Variants in PPL observed in about 807,000 individuals in gnomAD.
The protein encoded by PPL is periplakin.
In PPL, 198 loss-of-function variants were observed where a neutral mutation model predicts 194.4. The ratio of observed to expected loss-of-function variants is 1.02; its 90% confidence interval spans 0.91 to 1.15. The LOEUF is 1.15. PPL is among the 50% of genes most tolerant of loss of function. The pLI, the probability that PPL is intolerant of heterozygous loss-of-function variation, is 0.00. For synonymous variants in PPL, 1,220 were observed against 972.4 expected, an observed-to-expected ratio of 1.25 and a Z score of -4.74; for missense variants, 2,885 against 2,294.8, an observed-to-expected ratio of 1.26 and a Z score of -5.25.
chr16:4,890,189 G>A lies in PPL; in HGVS notation c.2308C>T (p.Gln770Ter). ...TGCGGAAACGGCCATCTCACCTTCT[G>A]GTTCTTCAGCTTGGTCTCCATCTGG... Reference protein sequence around the residue: ...LSQMETKLKNQKNLLDEIASR... With the variant: ...LSQMETKLKN The change falls in exon 18 of 22, where the codon CAG becomes TAG. Residue 770 changes from glutamine to a stop codon, truncating the protein, a stop_gained. Transcript: ENST00000345988. LOFTEE classifies it high-confidence loss of function. 6.2e-7 allele frequency: 1 copy of A among 1,614,166 alleles called. No individual in the cohort carries two copies. The highest frequency in any genetic ancestry group is 8.5e-7 in the Non-Finnish European group (1 of 1,180,006).
chr16:4,936,898 T>G, intron 1 of PPL, 86 bp downstream of exon 1: 1 of 1,364,094 alleles, frequency 7.3e-7, no homozygotes. Flanking sequence ...TACCCCCCAT[T>G]CCTACACTGC....
In PPL at chr16:4,895,391, A is replaced by G. The variant is rs201216904; in HGVS notation, c.1112T>C (p.Leu371Pro). 1 of 1,613,308 alleles carries G rather than the reference A, an allele frequency of 6.2e-7. No homozygotes were observed. Among genetic ancestry groups the G allele is most frequent in the East Asian group, 2.2e-5 (1 of 44,876 alleles). The change falls in exon 11 of 22, where the codon CTG becomes CCG. Residue 371 changes from leucine to proline, a missense_variant. Coordinates refer to ENST00000345988, the MANE Select transcript of PPL (RefSeq NM_002705.5). ...LRELDDQEKV[L>P]DKYEDVVQGL... ...CTGCACCACGTCCTCATACTTGTCC[A>G]GCACCTTCTCCTGGTCCTGGAGAGA...
chr16:4,911,922 G>A (rs937336379), intron 1 of PPL, among the ~76,000 whole-genome samples: 5 of 151,642 alleles, frequency 3.3e-5, no homozygotes, highest in Admixed American at 6.6e-5. Context: ...CTATAGCCTC[G>A]AACTCCTGAG....
intron 1 of PPL, among the ~76,000 whole-genome samples, chr16:4,917,970 C>T (rs879912974): frequency 2.9e-4 from 42 of 146,538 alleles, no homozygotes; most frequent in Non-Finnish European, 5.2e-4. Flanking sequence ...TGAATTACAT[C>T]ACAGTAAAGC....
At chr16:4,894,158 T>C (rs534554659) in intron 12 of PPL, among the ~76,000 whole-genome samples, 4 of 152,288 alleles carry the variant, frequency 2.6e-5, no homozygotes, top group African/African-American at 9.6e-5. Context: ...AGCTGAGTCC[T>C]CCAGCCAAGG....
At chr16:4,932,101 G>A (rs111857028) in intron 1 of PPL, among the ~76,000 whole-genome samples, 7 of 152,344 alleles carry the variant, frequency 4.6e-5, no homozygotes, top group African/African-American at 1.7e-4. Flanking sequence ...TGCTTCCCCA[G>A]GCCCCCCTGG....
At chr16:4,896,271 C>T (rs1003044777) in intron 9 of PPL, among the ~76,000 whole-genome samples, 1 of 152,156 alleles carries the variant, frequency 6.6e-6, no homozygotes, top group South Asian at 2.1e-4. Flanking sequence ...TTTCCCCAGA[C>T]ACCTCAATCC....
chr16:4,930,987 G>A (rs556233786), intron 1 of PPL, among the ~76,000 whole-genome samples: 43 of 152,272 alleles, frequency 2.8e-4, no homozygotes, highest in African/African-American at 9.4e-4. Flanking sequence ...CTGGAGCGCT[G>A]GAGTGGAAGA....
Position 4,910,877 on chromosome 16 carries a change from G to T in PPL, c.135C>A (p.Ile45=). 6.2e-7 allele frequency: 1 copy of T among 1,613,960 alleles called. No individual in the cohort carries two copies. Residue 45 remains isoleucine, a synonymous_variant, in exon 2 of 22, where the codon ATC becomes ATA. Coordinates refer to ENST00000345988, the MANE Select transcript of PPL (RefSeq NM_002705.5). ...QKNADQVEKN[I]VDTEAKMQSD... is the part of the protein sequence containing the mutation. ...TCTGCATCTTGGCCTCTGTGTCCAC[G>T]ATGTTCTTCTCCACCTGGTCGGCAT...
At position 4,885,882 on chromosome 16, in the gene PPL, T is replaced by TC; in HGVS notation, c.2772dup (p.Asn925GlufsTer79). 6.2e-7 allele frequency: 1 copy of TC among 1,609,726 alleles called. No homozygotes were observed. Among genetic ancestry groups the TC allele is most frequent in the Non-Finnish European group, 8.5e-7 (1 of 1,180,006 alleles). ...ACCACCGATTCCTGAGGCCCCTGAT[T>TC]CCTCAAGGTCCAGATTTCTTCCTGG... On this transcript the variant is annotated frameshift_variant, in exon 22 of 22. Transcript: ENST00000345988. LOFTEE classifies it high-confidence loss of function. The surrounding 1 kb of genome is among the most constrained non-coding windows in gnomAD (Gnocchi z 6.3).
In PPL at chr16:4,891,938, G is replaced by A. The variant is rs909010385; in HGVS notation, c.1841C>T (p.Ala614Val). 1 of 1,612,810 alleles carries A rather than the reference G, an allele frequency of 6.2e-7. No homozygotes were observed. Among genetic ancestry groups the A allele is most frequent in the African/African-American group, 1.3e-5 (1 of 74,924 alleles). Residue 614 changes from alanine to valine, a missense_variant, in exon 16 of 22, where the codon GCC becomes GTC. By Grantham distance (64) the Ala-to-Val change is moderately conservative. Coordinates refer to ENST00000345988, the MANE Select transcript of PPL (RefSeq NM_002705.5). Reference protein sequence around the residue: ...LDLAQEKVDVANRLEKSLQQS... With the variant: ...LDLAQEKVDVVNRLEKSLQQS... Reference sequence around the variant, plus strand: ...CTGCAGGCTCTTCTCCAGGCGGTTGGCCACATCAACCCTGAGAGCACCAAT... The same window carrying A: ...CTGCAGGCTCTTCTCCAGGCGGTTGACCACATCAACCCTGAGAGCACCAAT...
intron 5 of PPL, 28 bp from the exon 6 acceptor site, chr16:4,900,899 A>G (rs1596557492): frequency 1.2e-6 from 2 of 1,613,968 alleles, no homozygotes; most frequent in East Asian, 2.2e-5. Flanking sequence ...GGCATGGGTC[A>G]GGGCCAGGAA....
At chr16:4,920,617 C>T (rs1269825062) in intron 1 of PPL, among the ~76,000 whole-genome samples, 1 of 152,098 alleles carries the variant, frequency 6.6e-6, no homozygotes, top group Non-Finnish European at 1.5e-5. Context: ...CGCACGCCAC[C>T]ATGCCTGGCT....
rs1303962554 is a variant in PPL, at chr16:4,903,958, A to T, written c.245T>A (p.Leu82His). The change falls in exon 3 of 22, where the codon CTC becomes CAC. Residue 82 changes from leucine to histidine, a missense_variant. Coordinates refer to ENST00000345988, the MANE Select transcript of PPL (RefSeq NM_002705.5). ...LQKVLDSEKL[L>H]YVLEADAAIA... ...GGCCGCATCCGCCTCTAGCACATAG[A>T]GCAGCTTCTCAGAGTCCAACACCTT... 1.2e-6 allele frequency: 2 copies of T among 1,614,042 alleles called. No homozygotes were observed. The highest frequency in any genetic ancestry group is 1.7e-6 in the Non-Finnish European group (2 of 1,180,042).
At chr16:4,900,638 A>G (rs983424633) in intron 6 of PPL, among the ~76,000 whole-genome samples, 192 bp downstream of exon 6, 3 of 151,486 alleles carry the variant, frequency 2.0e-5, no homozygotes, top group Non-Finnish European at 2.9e-5. Flanking sequence ...GAGTCTCACT[A>G]TGTTGCCCAG....
At chr16:4,925,064 G>A (rs959617533) in intron 1 of PPL, among the ~76,000 whole-genome samples, 5 of 152,174 alleles carry the variant, frequency 3.3e-5, no homozygotes, top group South Asian at 2.1e-4. Flanking sequence ...CCTTCCTCTG[G>A]GGGTTAATTC....
At chr16:4,895,084 C>A (rs1354543686) in intron 11 of PPL, among the ~76,000 whole-genome samples, 177 bp downstream of exon 11, 1 of 152,132 alleles carries the variant, frequency 6.6e-6, no homozygotes. Context: ...CCAGGGCAGC[C>A]GAGGTGGGGG....
rs758577607 is a variant in PPL, at chr16:4,889,003, G to A, written c.2372C>T (p.Ser791Phe). Residue 791 changes from serine to phenylalanine, a missense_variant, in exon 19 of 22, where the codon TCC becomes TTC. Coordinates refer to ENST00000345988, the MANE Select transcript of PPL (RefSeq NM_002705.5). The part of the protein sequence containing the change: ...EQEVQKICAN[S>F]QQYQQAVKDY... ...CTTTACAGCTTGCTGGTACTGCTGGGAATTGGCACAGATCTTCTGTACTTC... is the reference window on the plus strand; with the variant it reads ...CTTTACAGCTTGCTGGTACTGCTGGAAATTGGCACAGATCTTCTGTACTTC... 1.7e-5 allele frequency: 28 copies of A among 1,613,404 alleles called. No homozygotes were observed. Among genetic ancestry groups the A allele is most frequent in the Non-Finnish European group, 2.3e-5 (27 of 1,179,874 alleles).
chr16:4,933,430 G>A (rs1404446478), intron 1 of PPL, among the ~76,000 whole-genome samples: 2 of 152,238 alleles, frequency 1.3e-5, no homozygotes, highest in Non-Finnish European at 2.9e-5. Flanking sequence ...GCTCAGGGAT[G>A]CTATGTTTCT....
Sources: gnomAD v4.1 joint callset for allele counts (sites outside exome capture counted in the v4.1 genomes callset) on GRCh38, gnomAD v4.1.1 for gene constraint, Gnocchi (gnomAD v3.1) non-coding constraint, MANE v1.5 for transcripts, NCBI Gene and HGNC (gene_info 2026-07-23, HGNC 2026-07-21) for gene names.